CSPP1: variants seen among roughly 807,000 people sequenced by gnomAD.
CSPP1 encodes centrosome and spindle pole-associated protein 1.
Under a neutral mutation model 164.4 loss-of-function variants are expected in CSPP1, and 126 were observed. The ratio of observed to expected loss-of-function variants is 0.77; its 90% CI spans 0.66 to 0.89. CSPP1 has a LOEUF of 0.89. Ranked by LOEUF, CSPP1 falls within the 40% of genes least tolerant of loss-of-function variation. CSPP1 has a pLI of 0.00. For synonymous variants in CSPP1, 472 were observed against 476.7 expected, an observed-to-expected ratio of 0.99 and a Z score of 0.13; for missense variants, 1,395 against 1,449.8, an observed-to-expected ratio of 0.96 and a Z score of 0.61.
At chr8:67,148,006 C>A (rs1824950140) in intron 17 of CSPP1, among the ~76,000 whole-genome samples, 1 of 151,124 alleles carries the variant, frequency 6.6e-6, no homozygotes, top group African/African-American at 2.4e-5. Context: ...GCAACCTGCA[C>A]CCCCCCGGCT....
At chr8:67,149,424 G>A (rs528324114) in intron 17 of CSPP1, among the ~76,000 whole-genome samples, 4 of 152,192 alleles carry the variant, frequency 2.6e-5, no homozygotes, top group East Asian at 3.9e-4. Context: ...TTAGGAGACC[G>A]ATGACAGGTA....
Position 67,163,786 on chromosome 8 carries a change from C to T in CSPP1, c.2698C>T (p.Leu900Phe). The T allele has an allele frequency of 6.2e-7, 1 of 1,612,772 alleles. No individual in the cohort carries two copies. The change falls in exon 23 of 31, where the codon CTC (leucine) becomes TTC (phenylalanine). Residue 900 changes from leucine to phenylalanine, a missense_variant. By Grantham distance (22) the Leu-to-Phe change is conservative. Transcript: ENST00000678616. ...SPPVPARKNQ[L>F]RAEEEKKNVI... ...CCCGGTACCTGCCAGGAAAAATCAG[C>T]TCCGTGCAGAAGGTAGAGTTAACTA... is the stretch of plus-strand genomic sequence containing the variant.
rs113227825 is a variant in CSPP1 at position 67,086,554 on chromosome 8, A to G, written c.303+444A>G. Among the ~76,000 whole-genome samples, 546 of 152,244 alleles carry G rather than the reference A, an allele frequency of 3.6e-3. 3 individuals are homozygous for G. The highest frequency in any genetic ancestry group is 0.011 in the African/African-American group (462 of 41,574). On this transcript the variant is annotated intron_variant, in intron 4 of 30. Coordinates refer to ENST00000678616, the MANE Select transcript of CSPP1 (RefSeq NM_001382391.1). ...ATTTAGCCACTAAAGCTTTTGTTTT[A>G]TGATCTCATGTTTTACTTAGCAGAA...
chr8:67,165,479 C>A (rs928342272), intron 24 of CSPP1, among the ~76,000 whole-genome samples: 5 of 152,116 alleles, frequency 3.3e-5, no homozygotes, highest in Admixed American at 1.3e-4. Flanking sequence ...GTTCATGGGC[C>A]CCATACAAGA....
At chr8:67,097,918 T>C (rs1368579192) in intron 7 of CSPP1, among the ~76,000 whole-genome samples, 1 of 151,908 alleles carries the variant, frequency 6.6e-6, no homozygotes, top group Non-Finnish European at 1.5e-5. Context: ...TTCTTCAATA[T>C]ATAAATCATA....
intron 4 of CSPP1, among the ~76,000 whole-genome samples, 159 bp from the exon 5 acceptor site, chr8:67,091,644 G>T (rs1011918099): frequency 6.6e-6 from 1 of 151,994 alleles, no homozygotes; most frequent in East Asian, 1.9e-4. Context: ...CTTTTGGTAT[G>T]GTCTATATAG....
chr8:67,083,825 T>C (rs1465797296), intron 3 of CSPP1: 1 of 151,878 alleles, frequency 6.6e-6, no homozygotes, highest in Non-Finnish European at 1.5e-5. Flanking sequence ...GATATGTAAC[T>C]TTGGTAACTA....
intron 15 of CSPP1, among the ~76,000 whole-genome samples, chr8:67,124,325 A>G (rs1463181520): frequency 6.6e-6 from 1 of 152,160 alleles, no homozygotes; most frequent in African/African-American, 2.4e-5. Context: ...TTTAAAATAA[A>G]TGAGTTTAGA....
At chr8:67,182,130 G>A (rs996501605) in intron 28 of CSPP1, among the ~76,000 whole-genome samples, 1 of 152,056 alleles carries the variant, frequency 6.6e-6, no homozygotes, top group Non-Finnish European at 1.5e-5. Flanking sequence ...AGCCTCCCAA[G>A]TAGCTGAGAC....
At chr8:67,139,872 C>G (rs1267052008) in intron 17 of CSPP1, among the ~76,000 whole-genome samples, 2 of 152,102 alleles carry the variant, frequency 1.3e-5, no homozygotes, top group African/African-American at 4.8e-5. Context: ...AGGGATAGCA[C>G]TAGGAGAAAT....
Position 67,089,318 on chromosome 8 carries a change from G to A in CSPP1, c.304-2485G>A, listed in dbSNP as rs570814391. On this transcript the variant is annotated intron_variant, in intron 4 of 30. Coordinates refer to ENST00000678616, the MANE Select transcript of CSPP1 (RefSeq NM_001382391.1). ...ACACAGAAAAGACATGTTCTCAGGG[G>A]AACAGTTTTTAAATTGAGTCAGTTA... Among the ~76,000 whole-genome samples, 3 of 152,080 alleles carry A rather than the reference G, an allele frequency of 2.0e-5. No individual in the cohort carries two copies. The South Asian group carries it at 6.2e-4, about 32-fold the overall frequency.
chr8:67,078,535 C>T (rs1357468063), intron 3 of CSPP1, among the ~76,000 whole-genome samples: 3 of 151,988 alleles, frequency 2.0e-5, no homozygotes, highest in Admixed American at 1.3e-4. Flanking sequence ...CATATATTTT[C>T]TGTAGAGGTG....
chr8:67,117,663 T>G (rs2129551217), intron 13 of CSPP1, among the ~76,000 whole-genome samples: 1 of 152,338 alleles, frequency 6.6e-6, no homozygotes, highest in Non-Finnish European at 1.5e-5. Context: ...GAACCATTTG[T>G]ACTCACACTG....
At chr8:67,165,705 C>T (rs914703534) in intron 24 of CSPP1, among the ~76,000 whole-genome samples, 3 of 152,214 alleles carry the variant, frequency 2.0e-5, no homozygotes, top group Non-Finnish European at 4.4e-5. Context: ...ATTGTTCTGA[C>T]ATCACATCAT....
chr8:67,115,576 C>T (rs978246933), intron 12 of CSPP1, among the ~76,000 whole-genome samples: 1 of 152,092 alleles, frequency 6.6e-6, no homozygotes, highest in African/African-American at 2.4e-5. Flanking sequence ...GAGGCTGAGG[C>T]AGGAGAATTG....
At chr8:67,168,153 C>T (rs1368626792) in intron 24 of CSPP1, among the ~76,000 whole-genome samples, 2 of 152,128 alleles carry the variant, frequency 1.3e-5, no homozygotes, top group Non-Finnish European at 1.5e-5. Flanking sequence ...GAAAACTAGT[C>T]AGGCGTGGTG....
intron 19 of CSPP1, chr8:67,157,929 G>C (rs144494163): frequency 1.3e-5 from 2 of 152,142 alleles, no homozygotes; most frequent in East Asian, 3.8e-4. Context: ...TCTATAGTTA[G>C]GAAATAACAA....
intron 8 of CSPP1, among the ~76,000 whole-genome samples, chr8:67,105,420 G>T (rs1448173831): frequency 6.6e-6 from 1 of 152,022 alleles, no homozygotes; most frequent in Non-Finnish European, 1.5e-5. Context: ...CACTCTTGTT[G>T]CCCAGGCTGG....
rs78971178 is a variant in CSPP1 at position 67,176,553 on chromosome 8, G to A, written c.3109+1117G>A. ...CAGTAGGTATATCATCTGGAGAGAG[G>A]AGAGAAGCAAGTGCATTCTTCAACC... On this transcript the variant is annotated intron_variant, in intron 26 of 30. Transcript: ENST00000678616. Among the ~76,000 whole-genome samples, 1,247 of 152,290 alleles carry A rather than the reference G, an allele frequency of 8.2e-3. 17 individuals are homozygous for A. Among genetic ancestry groups the A allele is most frequent in the African/African-American group, 0.029 (1,184 of 41,538 alleles).
Sources: gnomAD v4.1 joint callset for allele counts (sites outside exome capture counted in the v4.1 genomes callset) on GRCh38, gnomAD v4.1.1 for gene constraint, MANE v1.5 for transcripts, NCBI Gene and HGNC (gene_info 2026-07-23, HGNC 2026-07-21) for gene names.